RGS17: variants seen among roughly 807,000 people sequenced by gnomAD.
RGS17 encodes the protein regulator of G-protein signaling 17.
RGS17 carries 12 observed loss-of-function variants against 25.5 expected under a neutral mutation model. That is an observed-to-expected ratio of 0.47 (90% CI 0.30 to 0.76). The LOEUF is 0.76. Ranked by LOEUF, RGS17 falls within the 30% of genes least tolerant of loss-of-function variation. RGS17 has a pLI of 0.07. For missense variants in RGS17, 196 were observed against 242.2 expected (o/e 0.81, Z 1.27); for synonymous variants, 71 against 76.9 (o/e 0.92, Z 0.40).
chr6:153,098,178 G>C (rs1162409726), intron 1 of RGS17, among the ~76,000 whole-genome samples: 1 of 152,158 alleles, frequency 6.6e-6, no homozygotes, highest in Non-Finnish European at 1.5e-5. Context: ...TTAAAGAGAA[G>C]TGGGTTACAG....
At chr6:153,054,077 T>A (rs71549140) in intron 1 of RGS17, among the ~76,000 whole-genome samples, 2 of 50,926 alleles carry the variant, frequency 3.9e-5, no homozygotes, top group Non-Finnish European at 6.6e-5. Flanking sequence ...CATATATATA[T>A]ACACACAATA....
intron 2 of RGS17, among the ~76,000 whole-genome samples, chr6:153,042,987 G>C (rs1445003482): frequency 6.6e-6 from 1 of 152,274 alleles, no homozygotes; most frequent in African/African-American, 2.4e-5. Flanking sequence ...CTTGTAAACT[G>C]TATGTTAAAA....
chr6:153,106,943 A>T (rs1258505138), intron 1 of RGS17, among the ~76,000 whole-genome samples: 1 of 151,984 alleles, frequency 6.6e-6, no homozygotes, highest in Non-Finnish European at 1.5e-5. Flanking sequence ...TGTATGTATA[A>T]TTCTCTGTCA....
intron 1 of RGS17, among the ~76,000 whole-genome samples, chr6:153,108,312 G>T (rs17083581): frequency 0.47 from 70,999 of 152,016 alleles, 17,228 homozygotes; most frequent in East Asian, 0.85. Flanking sequence ...TGATCTAAAT[G>T]TTCTGGTATA....
intron 3 of RGS17, among the ~76,000 whole-genome samples, chr6:153,025,701 CATAT>C (rs34917398): frequency 4.1e-4 from 59 of 144,450 alleles, no homozygotes; most frequent in African/African-American, 1.4e-3. Context: ...TATATAAAAA[CATAT>C]ATATATAAAC....
At chr6:153,071,037 G>A (rs912115083) in intron 1 of RGS17, among the ~76,000 whole-genome samples, 4 of 146,860 alleles carry the variant, frequency 2.7e-5, no homozygotes, top group Non-Finnish European at 3.0e-5. Flanking sequence ...GTATATATAC[G>A]TATATGTACA....
intron 1 of RGS17, among the ~76,000 whole-genome samples, chr6:153,066,602 T>C (rs545161433): frequency 1.3e-4 from 20 of 152,070 alleles, no homozygotes; most frequent in Non-Finnish European, 2.4e-4. Flanking sequence ...CTCAACAAAA[T>C]ACTAGCAAAC....
chr6:153,096,489 G>A (rs1227153241), intron 1 of RGS17, among the ~76,000 whole-genome samples: 2 of 152,136 alleles, frequency 1.3e-5, no homozygotes, highest in African/African-American at 4.8e-5. Context: ...GTCAGTTTGT[G>A]TTCATTTCTT....
chr6:153,067,519 A>G (rs1388874306), intron 1 of RGS17, among the ~76,000 whole-genome samples: 5 of 152,206 alleles, frequency 3.3e-5, no homozygotes, highest in Admixed American at 6.5e-5. Context: ...CCAACAGCAA[A>G]CAATCTGAAA....
chr6:153,034,993 T>C (rs1460932914), intron 2 of RGS17, among the ~76,000 whole-genome samples: 1 of 125,766 alleles, frequency 8.0e-6, no homozygotes, highest in Non-Finnish European at 1.8e-5. Context: ...CCACTAAAAA[T>C]ACAAAAAAAA....
intron 1 of RGS17, among the ~76,000 whole-genome samples, chr6:153,129,780 A>G (rs1009996512): frequency 1.3e-5 from 2 of 152,172 alleles, no homozygotes; most frequent in Non-Finnish European, 2.9e-5. Flanking sequence ...GACAAATCTT[A>G]TAGTGAATCT....
At chr6:153,060,738 C>T (rs1303819214) in intron 1 of RGS17, among the ~76,000 whole-genome samples, 6 of 150,514 alleles carry the variant, frequency 4.0e-5, no homozygotes, top group Non-Finnish European at 5.9e-5. Context: ...CTTAAAATGT[C>T]GGTGCCTACT....
At chr6:153,014,077 G>T (rs1267271466) in intron 4 of RGS17, among the ~76,000 whole-genome samples, 1 of 152,210 alleles carries the variant, frequency 6.6e-6, no homozygotes, top group Non-Finnish European at 1.5e-5. Context: ...GAGCCAGAGA[G>T]AAGTCAATGC....
chr6:153,059,015 T>C (rs1366280184), intron 1 of RGS17, among the ~76,000 whole-genome samples: 1 of 152,172 alleles, frequency 6.6e-6, no homozygotes, highest in East Asian at 1.9e-4. Flanking sequence ...TTCTGGTCCT[T>C]ACTCTGGGTG....
intron 1 of RGS17, among the ~76,000 whole-genome samples, chr6:153,089,390 T>C (rs1171541478): frequency 2.6e-5 from 4 of 152,126 alleles, no homozygotes; most frequent in African/African-American, 4.8e-5. Flanking sequence ...AAGTCCATTT[T>C]TGATAAAAAT....
At chr6:153,058,630 G>T (rs911820161) in intron 1 of RGS17, among the ~76,000 whole-genome samples, 1 of 152,180 alleles carries the variant, frequency 6.6e-6, no homozygotes, top group African/African-American at 2.4e-5. Flanking sequence ...CCAAATTTGT[G>T]AAGCCCACTT....
intron 1 of RGS17, among the ~76,000 whole-genome samples, chr6:153,084,799 A>G (rs1777030748): frequency 6.6e-6 from 1 of 152,210 alleles, no homozygotes; most frequent in African/African-American, 2.4e-5. Context: ...TGCTCTGGAA[A>G]AGCCTTAAGT....
At chr6:153,065,173 A>T (rs1366939659) in intron 1 of RGS17, among the ~76,000 whole-genome samples, 1 of 152,210 alleles carries the variant, frequency 6.6e-6, no homozygotes, top group Admixed American at 6.5e-5. Context: ...GTCAAAATGA[A>T]TCTCAATACA....
At chr6:153,024,653 T>C (rs937315421) in intron 3 of RGS17, among the ~76,000 whole-genome samples, 157 bp from the exon 4 acceptor site, 1 of 152,142 alleles carries the variant, frequency 6.6e-6, no homozygotes, top group Non-Finnish European at 1.5e-5. Flanking sequence ...CAAATAAGTA[T>C]CTGTCAGGAC....
Sources: gnomAD v4.1 joint callset for allele counts (sites outside exome capture counted in the v4.1 genomes callset) on GRCh38, gnomAD v4.1.1 for gene constraint, MANE v1.5 for transcripts, NCBI Gene and HGNC (gene_info 2026-07-23, HGNC 2026-07-21) for gene names.